ROBO2: variants seen among roughly 807,000 people sequenced by gnomAD.
The protein encoded by ROBO2 is roundabout guidance receptor 2, also known as roundabout homolog 2.
In ROBO2, 53 loss-of-function variants were observed where a neutral mutation model predicts 160.8. The ratio of observed to expected loss-of-function variants is 0.33; its 90% CI spans 0.26 to 0.41. The LOEUF (loss-of-function observed/expected upper bound fraction) is 0.41. ROBO2 is among the 10% of genes least tolerant of loss of function. The pLI is 1.00. For synonymous variants in ROBO2, 664 were observed against 611.7 expected (o/e 1.09, Z -1.26); for missense variants, 1,577 against 1,722.4 (o/e 0.92, Z 1.49).
chr3:76,410,928 T>C (rs2075454314), intron 2 of ROBO2, among the ~76,000 whole-genome samples: 1 of 152,142 alleles, frequency 6.6e-6, no homozygotes, highest in African/African-American at 2.4e-5. Context: ...GAAAAAACTG[T>C]TGTCATGGCT....
At chr3:76,624,523 C>G (rs35738841) in intron 2 of ROBO2, among the ~76,000 whole-genome samples, 1 of 151,648 alleles carries the variant, frequency 6.6e-6, no homozygotes, top group Admixed American at 6.6e-5. Context: ...AGAGGCCGGG[C>G]GCGGTGGGCT....
chr3:76,265,213 C>T (rs1303359551), intron 2 of ROBO2, among the ~76,000 whole-genome samples: 2 of 152,062 alleles, frequency 1.3e-5, no homozygotes, highest in Non-Finnish European at 2.9e-5. Context: ...CAGTCCTCTT[C>T]ACCAACATTC....
At chr3:77,388,956 G>A (rs772744797) in intron 2 of ROBO2, among the ~76,000 whole-genome samples, 3 of 152,114 alleles carry the variant, frequency 2.0e-5, no homozygotes, top group Non-Finnish European at 2.9e-5. Context: ...TTTTGTTGTT[G>A]TTGTTGAGAC....
intron 2 of ROBO2, among the ~76,000 whole-genome samples, chr3:76,283,335 T>A (rs1215146108): frequency 6.6e-6 from 1 of 151,148 alleles, no homozygotes; most frequent in Non-Finnish European, 1.5e-5. Context: ...CAGGAAACAA[T>A]TATTTATCCT....
chr3:77,340,632 T>G (rs150830825), intron 2 of ROBO2, among the ~76,000 whole-genome samples: 1 of 152,112 alleles, frequency 6.6e-6, no homozygotes, highest in African/African-American at 2.4e-5. Context: ...AAGACCCAGT[T>G]TGAGTTGTAC....
At chr3:75,933,533 A>G (rs1455610031) in intron 1 of ROBO2, among the ~76,000 whole-genome samples, 1 of 151,578 alleles carries the variant, frequency 6.6e-6, no homozygotes, top group Non-Finnish European at 1.5e-5. Context: ...TTTTTTTTAA[A>G]GAAGCTGCTA....
intron 5 of ROBO2, among the ~76,000 whole-genome samples, chr3:77,500,655 A>G (rs929073592): frequency 1.3e-5 from 2 of 152,204 alleles, no homozygotes; most frequent in African/African-American, 4.8e-5. Flanking sequence ...TGGAAACTGA[A>G]GATATAGATT....
intron 1 of ROBO2, among the ~76,000 whole-genome samples, chr3:77,066,040 TG>T (rs888017928): frequency 2.0e-4 from 30 of 152,222 alleles, no homozygotes; most frequent in African/African-American, 6.5e-4. Flanking sequence ...TAAAAAAATG[TG>T]TATAAAAATG....
chr3:76,598,514 G>A (rs1446701867), intron 2 of ROBO2, among the ~76,000 whole-genome samples: 1 of 152,080 alleles, frequency 6.6e-6, no homozygotes, highest in Non-Finnish European at 1.5e-5. Flanking sequence ...TATTCTGGTT[G>A]TGATTTTCCA....
chr3:76,487,668 C>T (rs762351502), intron 2 of ROBO2, among the ~76,000 whole-genome samples: 1 of 152,170 alleles, frequency 6.6e-6, no homozygotes, highest in African/African-American at 2.4e-5. Flanking sequence ...TAGAAGCCTG[C>T]ACTCTAGGTG....
chr3:76,544,576 A>C (rs2082993549), intron 2 of ROBO2, among the ~76,000 whole-genome samples: 1 of 151,998 alleles, frequency 6.6e-6, no homozygotes, highest in Non-Finnish European at 1.5e-5. Context: ...GACTTTATGT[A>C]GTTTTAAAAT....
chr3:76,981,345 C>T (rs2060086791), intron 2 of ROBO2, among the ~76,000 whole-genome samples: 1 of 152,148 alleles, frequency 6.6e-6, no homozygotes, highest in Non-Finnish European at 1.5e-5. Context: ...TCTACATATC[C>T]TCCACAGCAC....
chr3:76,064,108 T>C (rs1484279360), intron 2 of ROBO2, among the ~76,000 whole-genome samples: 1 of 152,124 alleles, frequency 6.6e-6, no homozygotes, highest in East Asian at 1.9e-4. Context: ...GAAAAAGACC[T>C]CCAAGTTTCA....
intron 2 of ROBO2, among the ~76,000 whole-genome samples, chr3:76,719,250 GAAAC>G (rs776729005): frequency 6.6e-6 from 1 of 152,160 alleles, no homozygotes; most frequent in Non-Finnish European, 1.5e-5. Flanking sequence ...ACTGACAGAA[GAAAC>G]AATTTATTTG....
chr3:77,221,812 T>C (rs1048770763), intron 2 of ROBO2, among the ~76,000 whole-genome samples: 4 of 152,038 alleles, frequency 2.6e-5, no homozygotes, highest in Admixed American at 1.3e-4. Flanking sequence ...AAAAAATTGA[T>C]AGCCCAATGG....
chr3:77,617,970 A>T, intron 22 of ROBO2, 197 bp downstream of exon 23: 1 of 607,556 alleles, frequency 1.6e-6, no homozygotes, highest in Non-Finnish European at 2.9e-6. Flanking sequence ...TAGAACTAGA[A>T]CTAGAACTGG....
At chr3:77,524,494 A>C (rs1266916264) in intron 6 of ROBO2, among the ~76,000 whole-genome samples, 1 of 151,390 alleles carries the variant, frequency 6.6e-6, no homozygotes, top group African/African-American at 2.4e-5. Context: ...AAATAATAAT[A>C]AACAACCAAC....
intron 5 of ROBO2, among the ~76,000 whole-genome samples, chr3:77,508,443 G>A (rs2088895198): frequency 6.8e-6 from 1 of 147,942 alleles, no homozygotes; most frequent in Admixed American, 6.8e-5. Flanking sequence ...ATATATATGT[G>A]ATAGTATAAG....
chr3:77,153,692 A>G (rs2077727136), intron 2 of ROBO2, among the ~76,000 whole-genome samples: 1 of 152,076 alleles, frequency 6.6e-6, no homozygotes, highest in South Asian at 2.1e-4. Context: ...AACAACAACA[A>G]TTCTACCAAC....
Sources: gnomAD v4.1 joint callset for allele counts (sites outside exome capture counted in the v4.1 genomes callset) on GRCh38, gnomAD v4.1.1 for gene constraint, MANE v1.5 for transcripts, NCBI Gene and HGNC (gene_info 2026-07-23, HGNC 2026-07-21) for gene names.